CSMD2: variants seen among roughly 807,000 people sequenced by gnomAD.
The protein encoded by CSMD2 is CUB and Sushi multiple domains 2, also known as CUB and sushi domain-containing protein 2.
A neutral mutation model predicts 398.5 loss-of-function variants in CSMD2; 130 were observed. That is an observed-to-expected ratio of 0.33 (90% CI 0.28 to 0.38). CSMD2 has a LOEUF of 0.38. Among genes scored for constraint, CSMD2 ranks in the 10% least tolerant of loss-of-function variants. The pLI is 1.00. For synonymous variants in CSMD2, 1,828 were observed against 1,908.5 expected (o/e 0.96, Z 1.10); for missense variants, 3,829 against 4,764.9 (o/e 0.80, Z 5.78).
intron 6 of CSMD2, among the ~76,000 whole-genome samples, chr1:33,842,527 G>A (rs1436681372): frequency 6.6e-6 from 1 of 151,964 alleles, no homozygotes; most frequent in African/African-American, 2.4e-5. Flanking sequence ...TTTTCTCTAG[G>A]TGGCAGACTT....
intron 6 of CSMD2, among the ~76,000 whole-genome samples, chr1:33,832,244 T>C (rs1052884696): frequency 9.9e-5 from 15 of 151,902 alleles, no homozygotes; most frequent in Admixed American, 2.6e-4. Flanking sequence ...TATTCCAAAA[T>C]TGACCACATA....
chr1:33,963,006 T>G (rs951131088), intron 3 of CSMD2, among the ~76,000 whole-genome samples: 1 of 152,194 alleles, frequency 6.6e-6, no homozygotes, highest in African/African-American at 2.4e-5. Context: ...TAAATATCTG[T>G]GAATGAATGA....
In CSMD2 at chr1:33,819,734, C is replaced by T. The variant is rs201126321; in HGVS notation, c.1303G>A (p.Asp435Asn). ...TCACCTCGGCAGACTGGCCTGTGGT[C>T]GCTCCAGGCCGCAAACATGTCGCTC... ...KVSDMFAAWSDHRPVCRARMC... is the reference protein window; with the variant it reads ...KVSDMFAAWSNHRPVCRARMC... Residue 435 changes from aspartate (D) to asparagine (N), a missense_variant, in exon 9 of 71, where the codon GAC becomes AAC. Asp to Asn is a conservative substitution (Grantham distance 23). Coordinates refer to ENST00000373381, the MANE Select transcript of CSMD2 (RefSeq NM_001281956.2). The T allele has an allele frequency of 3.6e-5, 58 of 1,613,456 alleles. No homozygotes were observed. The highest frequency in any genetic ancestry group is 6.7e-5 in the East Asian group (3 of 44,864).
intron 2 of CSMD2, among the ~76,000 whole-genome samples, chr1:34,050,772 T>C (rs888711604): frequency 1.9e-4 from 29 of 152,214 alleles, no homozygotes; most frequent in Non-Finnish European, 5.9e-5. Flanking sequence ...TATGACCTTA[T>C]GCTATGCTAG....
At chr1:34,046,953 T>C (rs2148208513) in intron 2 of CSMD2, among the ~76,000 whole-genome samples, 1 of 152,230 alleles carries the variant, frequency 6.6e-6, no homozygotes, top group Non-Finnish European at 1.5e-5. Flanking sequence ...ATTACTGCAG[T>C]AACCTCCTAA....
At chr1:33,656,091 AGGGAAG>A (rs1643937246) in intron 27 of CSMD2, among the ~76,000 whole-genome samples, 1 of 17,794 alleles carries the variant, frequency 5.6e-5, no homozygotes, top group Non-Finnish European at 1.0e-4. Context: ...ATTCTGGCTT[AGGGAAG>A]GGGAAGGGAG....
In CSMD2 at chr1:33,519,965, A is replaced by C. The variant is rs746060502; in HGVS notation, c.10598-15T>G. On this transcript the variant is annotated splice_polypyrimidine_tract_variant and intron_variant, in intron 68 of 70. Transcript: ENST00000373381. The surrounding 1 kb of genome is among the most constrained non-coding windows in gnomAD (Gnocchi z 5.6). ...CAGCCTGAGGTCTGTAAAGTCCCAA[A>C]GCAGAAAAGTCAAGTCACGAGACAC... 1 of 1,613,292 alleles carries C rather than the reference A, an allele frequency of 6.2e-7. No individual in the cohort carries two copies. The highest frequency in any genetic ancestry group is 8.5e-7 in the Non-Finnish European group (1 of 1,179,298).
chr1:33,740,272 A>T (rs1647014627), intron 14 of CSMD2, among the ~76,000 whole-genome samples: 1 of 150,518 alleles, frequency 6.6e-6, no homozygotes, highest in African/African-American at 2.5e-5. Context: ...CAGTTCTCTT[A>T]CTAAATGTCT....
Position 34,149,055 on chromosome 1 carries a change from G to A in CSMD2, c.187+15856C>T, listed in dbSNP as rs72888130. ...CCTACTTTACTTCCTCAAACCCAAG[G>A]AATGAATGAAACCCCAGGAATGGCT... On this transcript the variant is annotated intron_variant, in intron 1 of 70. Transcript: ENST00000373381. 9.6e-3 allele frequency among the ~76,000 whole-genome samples: 1,458 copies of A among 152,236 alleles called. 23 individuals carry two copies. Among genetic ancestry groups the A allele is most frequent in the African/African-American group, 0.033 (1,390 of 41,524 alleles).
chr1:34,027,698 C>T (rs755835001), intron 3 of CSMD2, among the ~76,000 whole-genome samples: 16 of 152,204 alleles, frequency 1.1e-4, no homozygotes, highest in Non-Finnish European at 1.9e-4. Flanking sequence ...CACAGAAAAA[C>T]GTTGGCTTCA....
At chr1:34,017,389 C>T (rs955170492) in intron 3 of CSMD2, among the ~76,000 whole-genome samples, 1 of 152,218 alleles carries the variant, frequency 6.6e-6, no homozygotes, top group Non-Finnish European at 1.5e-5. Context: ...TTCATAGTTA[C>T]TTGTCTCATT....
chr1:33,867,984 C>G (rs1558028629), intron 5 of CSMD2, among the ~76,000 whole-genome samples: 1 of 152,202 alleles, frequency 6.6e-6, no homozygotes, highest in Non-Finnish European at 1.5e-5. Context: ...CTGCTGAAAA[C>G]TAACTCCATT....
intron 50 of CSMD2, among the ~76,000 whole-genome samples, chr1:33,571,940 A>C (rs1347334260): frequency 6.6e-6 from 1 of 152,202 alleles, no homozygotes; most frequent in Non-Finnish European, 1.5e-5. Context: ...TTAAAAATTA[A>C]AAAAGGGAAA....
intron 26 of CSMD2, among the ~76,000 whole-genome samples, chr1:33,660,985 C>T (rs1644110727): frequency 6.6e-6 from 1 of 152,124 alleles, no homozygotes; most frequent in South Asian, 2.1e-4. Context: ...CAGTTTTACT[C>T]TGAATGGGGA....
intron 4 of CSMD2, among the ~76,000 whole-genome samples, chr1:33,933,115 C>T (rs540900370): frequency 4.0e-4 from 61 of 152,330 alleles, no homozygotes; most frequent in African/African-American, 1.5e-3. Flanking sequence ...TGCATTGCCA[C>T]ACCTTCCATA....
chr1:33,735,965 T>C (rs577675629), intron 15 of CSMD2, among the ~76,000 whole-genome samples: 25 of 152,232 alleles, frequency 1.6e-4, no homozygotes, highest in Admixed American at 1.0e-3. Context: ...GTCTAAGGTT[T>C]TAAGGCTGGG....
chr1:34,080,775 G>A (rs573857382), intron 2 of CSMD2, among the ~76,000 whole-genome samples: 2 of 151,950 alleles, frequency 1.3e-5, no homozygotes, highest in East Asian at 3.9e-4. Context: ...AACAATATTA[G>A]CCTAAGGAAA....
At chr1:33,544,353 G>A (rs1214398097) in intron 57 of CSMD2, among the ~76,000 whole-genome samples, 3 of 150,192 alleles carry the variant, frequency 2.0e-5, no homozygotes, top group African/African-American at 7.4e-5. Context: ...TCCTGACCTC[G>A]TGATCCACCC....
intron 14 of CSMD2, 68 bp from the exon 15 acceptor site, chr1:33,739,402 T>A (rs1379446365): frequency 6.9e-7 from 1 of 1,447,590 alleles, no homozygotes; most frequent in East Asian, 2.4e-5. Flanking sequence ...TAAAGAAAAT[T>A]AGCTTCCTTG....
Sources: allele counts gnomAD v4.1 joint callset (sites outside exome capture counted in the v4.1 genomes callset), GRCh38; gene constraint gnomAD v4.1.1; non-coding constraint Gnocchi (gnomAD v3.1); transcripts MANE v1.5; gene names NCBI Gene and HGNC (gene_info 2026-07-23, HGNC 2026-07-21).